The following ZBTB20 variants were observed in gnomAD, a reference collection of about 807,000 sequenced individuals.
ZBTB20 encodes the protein zinc finger and BTB domain-containing protein 20.
A neutral mutation model predicts 56.9 loss-of-function variants in ZBTB20; 9 were observed. The ratio of observed to expected loss-of-function variants is 0.16; its 90% CI spans 0.10 to 0.28. The LOEUF (loss-of-function observed/expected upper bound fraction) is 0.28, where lower values mean the gene tolerates loss of function less well. Ranked by LOEUF, ZBTB20 falls within the 10% of genes least tolerant of loss-of-function variation. ZBTB20 has a pLI of 1.00. For synonymous variants in ZBTB20, 417 were observed against 420.7 expected, an observed-to-expected ratio of 0.99 and a Z score of 0.11; for missense variants, 655 against 1,003.0, an observed-to-expected ratio of 0.65 and a Z score of 4.69.
chr3:114,953,986 A>T (rs2077162988), intron 3 of ZBTB20, among the ~76,000 whole-genome samples: 1 of 152,104 alleles, frequency 6.6e-6, no homozygotes, highest in Non-Finnish European at 1.5e-5. Context: ...TTCAGAGATA[A>T]GTCATATCAG....
chr3:114,502,235 T>C (rs909984880), intron 6 of ZBTB20, among the ~76,000 whole-genome samples: 2 of 152,148 alleles, frequency 1.3e-5, no homozygotes, highest in African/African-American at 2.4e-5. Flanking sequence ...CAAAACAAAC[T>C]TCACTAAAGG....
chr3:114,813,348 AT>A (rs1250065075), intron 4 of ZBTB20, among the ~76,000 whole-genome samples: 39 of 152,302 alleles, frequency 2.6e-4, no homozygotes, highest in African/African-American at 8.2e-4. Flanking sequence ...GTGGAATGGT[AT>A]TTTTCCAGCA....
intron 2 of ZBTB20, among the ~76,000 whole-genome samples, chr3:115,007,548 G>C (rs2079528290): frequency 6.6e-6 from 1 of 151,458 alleles, no homozygotes; most frequent in South Asian, 2.1e-4. Context: ...TTCTTTATAA[G>C]TTCTTTCTTC....
chr3:114,699,006 C>A (rs557607558), intron 5 of ZBTB20, among the ~76,000 whole-genome samples: 1 of 152,232 alleles, frequency 6.6e-6, no homozygotes, highest in South Asian at 2.1e-4. Flanking sequence ...TACAAGAAAT[C>A]TTAGGCTATA....
In ZBTB20 at chr3:115,113,287, T is replaced by G. The variant is rs528395938; in HGVS notation, c.-703+33932A>C. ...TAACAATGACATCCTACAGCAGTTA[T>G]GTGTCTCTTGACTTCGATTTATTCA... On this transcript the variant is annotated intron_variant, in intron 1 of 11. Transcript: ENST00000675478. Among the ~76,000 whole-genome samples the G allele has an allele frequency of 2.0e-5, 3 of 152,390 alleles. No homozygotes were observed. In the East Asian group the frequency reaches 5.8e-4, roughly 29 times the overall value.
At chr3:115,042,031 T>C (rs773897692) in intron 2 of ZBTB20, among the ~76,000 whole-genome samples, 5 of 152,016 alleles carry the variant, frequency 3.3e-5, no homozygotes, top group Admixed American at 6.6e-5. Flanking sequence ...AAGAATCCAA[T>C]CCCTCAAGAG....
chr3:114,630,472 T>C (rs1400573023), intron 6 of ZBTB20, among the ~76,000 whole-genome samples: 1 of 152,238 alleles, frequency 6.6e-6, no homozygotes, highest in Non-Finnish European at 1.5e-5. Context: ...CACATGTGTG[T>C]GTACGTGTGT....
intron 2 of ZBTB20, among the ~76,000 whole-genome samples, chr3:114,988,509 A>T (rs1473412969): frequency 1.3e-5 from 2 of 152,052 alleles, no homozygotes; most frequent in Non-Finnish European, 2.9e-5. Flanking sequence ...ATTGATGGAC[A>T]TTTGGGTTGA....
intron 4 of ZBTB20, among the ~76,000 whole-genome samples, chr3:114,859,743 T>C (rs1309213473): frequency 6.6e-6 from 1 of 152,138 alleles, no homozygotes; most frequent in East Asian, 1.9e-4. Context: ...TTTTTTTGAT[T>C]ACTTTTATAA....
chr3:114,876,953 A>G (rs1165250653), intron 4 of ZBTB20, among the ~76,000 whole-genome samples: 2 of 152,194 alleles, frequency 1.3e-5, no homozygotes, highest in African/African-American at 4.8e-5. Flanking sequence ...CCTTTAGTAG[A>G]TTAGCTGCTC....
At position 114,549,861 on chromosome 3, in the gene ZBTB20, C is replaced by G. The variant is rs749251570; in HGVS notation, c.-294-49470G>C. 4.0e-5 allele frequency among the ~76,000 whole-genome samples: 6 copies of G among 151,766 alleles called. 1 individual carries two copies. The highest frequency in any genetic ancestry group is 3.4e-3 in the Middle Eastern group (1 of 294). On this transcript the variant is annotated intron_variant, in intron 6 of 11. Transcript: ENST00000675478. ...TACTTGCTTGAGCAACTGGCCCCAA[C>G]TAACTGATTTTTAATATTTTGCTTT...
At chr3:114,951,367 A>C (rs1184930936) in intron 3 of ZBTB20, among the ~76,000 whole-genome samples, 2 of 152,116 alleles carry the variant, frequency 1.3e-5, no homozygotes, top group African/African-American at 4.8e-5. Context: ...CTCCAGGAAA[A>C]CTAAAAAATA....
intron 9 of ZBTB20, among the ~76,000 whole-genome samples, 166 bp downstream of exon 9, chr3:114,380,611 C>T (rs561432960): frequency 4.6e-5 from 7 of 152,066 alleles, no homozygotes; most frequent in African/African-American, 7.2e-5. Flanking sequence ...GCATATGGGC[C>T]AAGCAAACAG....
chr3:114,560,760 G>A (rs1399756167), intron 6 of ZBTB20, among the ~76,000 whole-genome samples: 1 of 152,134 alleles, frequency 6.6e-6, no homozygotes, highest in Non-Finnish European at 1.5e-5. Context: ...GATCAGGGTG[G>A]TGGTTTCTGA....
chr3:114,902,733 A>G (rs1270002184), intron 3 of ZBTB20, among the ~76,000 whole-genome samples: 2 of 152,142 alleles, frequency 1.3e-5, no homozygotes, highest in Non-Finnish European at 2.9e-5. Flanking sequence ...GTCTCAGTTT[A>G]TCTGAGGCCA....
intron 4 of ZBTB20, among the ~76,000 whole-genome samples, chr3:114,897,859 C>G (rs1463954159): frequency 6.6e-6 from 1 of 152,016 alleles, no homozygotes; most frequent in African/African-American, 2.4e-5. Flanking sequence ...GGTTTTAATG[C>G]AATAGATAAC....
chr3:114,611,798 C>A (rs7626743), intron 6 of ZBTB20, among the ~76,000 whole-genome samples: 3,238 of 152,266 alleles, frequency 0.021, 106 homozygotes, highest in African/African-American at 0.073. Context: ...TCCCAACCCT[C>A]TCAATCTACT....
At position 114,322,230 on chromosome 3, in the gene ZBTB20, A is replaced by G. The variant is rs563857694; in HGVS notation, c.*16775T>C. 6.6e-6 allele frequency: 1 copy of G among 152,358 alleles called. No individual in the cohort carries two copies. The highest frequency in any genetic ancestry group is 2.4e-5 in the African/African-American group (1 of 41,564). The allele number at this position is 152,358 out of a possible 1,614,324, so 9.4% of individuals were successfully genotyped here. A position where few individuals can be genotyped will look rare whatever the true frequency, so the allele number is the denominator to read the frequency against. ...CCATGGAAGTTTCTTTCTCTCCATC[A>G]GTCTCCAGGTCATGACTCTATTAAA... is the stretch of plus-strand genomic sequence containing the variant. On this transcript the variant is annotated 3_prime_UTR_variant, in exon 12 of 12. Coordinates refer to ENST00000675478, the MANE Select transcript of ZBTB20 (RefSeq NM_001348800.3).
intron 1 of ZBTB20, among the ~76,000 whole-genome samples, chr3:115,145,485 G>C (rs536368813): frequency 6.6e-6 from 1 of 152,124 alleles, no homozygotes; most frequent in African/African-American, 2.4e-5. Context: ...TCATCTCTAG[G>C]TTACTTATAA....
Sources: gnomAD v4.1 joint callset for allele counts (sites outside exome capture counted in the v4.1 genomes callset) on GRCh38, gnomAD v4.1.1 for gene constraint, MANE v1.5 for transcripts, NCBI Gene and HGNC (gene_info 2026-07-23, HGNC 2026-07-21) for gene names.